The following MYOT variants were observed in gnomAD, a reference collection of about 807,000 sequenced individuals.
MYOT encodes the protein myotilin.
Under a neutral mutation model 58.0 loss-of-function variants are expected in MYOT, and 36 were observed. The observed-to-expected ratio is 0.62, with a 90% CI of 0.48 to 0.82. The LOEUF (loss-of-function observed/expected upper bound fraction) is 0.82. MYOT is among the 40% of genes least tolerant of loss of function. MYOT has a pLI of 0.00. For synonymous variants in MYOT, 218 were observed against 204.6 expected (o/e 1.07, Z -0.56); for missense variants, 505 against 592.1 (o/e 0.85, Z 1.53).
intron 5 of MYOT, 131 bp downstream of exon 5, chr5:137,880,996 G>T: frequency 1.4e-6 from 1 of 703,058 alleles, no homozygotes; most frequent in Admixed American, 2.9e-5. Flanking sequence ...ATTTTCTAAT[G>T]TCTGAGAAGA....
chr5:137,870,076 G>A (rs1371996926), intron 1 of MYOT, among the ~76,000 whole-genome samples: 4 of 147,302 alleles, frequency 2.7e-5, no homozygotes, highest in African/African-American at 1.0e-4. Context: ...ATTGCTTGCA[G>A]CTAAGAGTTT....
chr5:137,883,138 TAA>T (rs775333279), intron 6 of MYOT: 56 of 477,782 alleles, frequency 1.2e-4, no homozygotes, highest in Admixed American at 1.7e-4. Context: ...TAAGAGTTCA[TAA>T]AGAGACTGAG....
At chr5:137,877,273 C>G (rs1755258188) in intron 3 of MYOT, among the ~76,000 whole-genome samples, 1 of 144,820 alleles carries the variant, frequency 6.9e-6, no homozygotes, top group South Asian at 2.1e-4. Context: ...GAGGCTGAGG[C>G]AGGAGAATGG....
chr5:137,886,615 G>A (rs993312653), intron 8 of MYOT: 11 of 534,100 alleles, frequency 2.1e-5, no homozygotes, highest in South Asian at 7.0e-5. Flanking sequence ...CTATACATAC[G>A]CATAAATACA....
chr5:137,876,148 C>A, intron 3 of MYOT, 145 bp downstream of exon 3: 1 of 807,490 alleles, frequency 1.2e-6, no homozygotes, highest in Non-Finnish European at 2.0e-6. Context: ...GGCCCTATTC[C>A]ATTTCTCTCT....
At chr5:137,874,281 A>G (rs933141535) in intron 2 of MYOT, among the ~76,000 whole-genome samples, 1 of 152,204 alleles carries the variant, frequency 6.6e-6, no homozygotes, top group African/African-American at 2.4e-5. Flanking sequence ...AGCCTGGCCA[A>G]CATGGCAAAA....
chr5:137,869,622 T>C (rs1754976620), intron 1 of MYOT, among the ~76,000 whole-genome samples: 1 of 151,200 alleles, frequency 6.6e-6, no homozygotes, highest in Admixed American at 6.6e-5. Context: ...GTAAAAGAGC[T>C]AAAGCAATTT....
At chr5:137,884,474 T>C (rs1290193207) in intron 7 of MYOT, among the ~76,000 whole-genome samples, 1 of 152,200 alleles carries the variant, frequency 6.6e-6, no homozygotes, top group East Asian at 1.9e-4. Flanking sequence ...AGAAAACAGG[T>C]ATGGCTACAT....
Position 137,870,432 on chromosome 5 carries a change from C to A in MYOT, c.-211-9C>A. 1.7e-6 allele frequency: 1 copy of A among 600,360 alleles called. No homozygotes were observed. Among genetic ancestry groups the A allele is most frequent in the Non-Finnish European group, 3.0e-6 (1 of 337,470 alleles). The allele number at this position is 600,360 out of a possible 1,614,324, so 37.2% of individuals were successfully genotyped here. A position where few individuals can be genotyped will look rare whatever the true frequency, so the allele number is the denominator to read the frequency against. On this transcript the variant is annotated splice_polypyrimidine_tract_variant and intron_variant, in intron 1 of 9. Transcript: ENST00000239926. The stretch of plus-strand genomic sequence containing the variant: ...CAAATATTGTAACAATTATTTTCTC[C>A]TTTTGAAGGAACAATATTCTTCAAG...
intron 6 of MYOT, chr5:137,883,131 G>C: frequency 6.7e-6 from 3 of 447,106 alleles, no homozygotes; most frequent in Non-Finnish European, 1.2e-5. Context: ...TAGAAATTAA[G>C]AGTTCATAAA....
chr5:137,875,357 T>C (rs1755176514), intron 2 of MYOT, among the ~76,000 whole-genome samples: 1 of 151,608 alleles, frequency 6.6e-6, no homozygotes, highest in Non-Finnish European at 1.5e-5. Flanking sequence ...GGGAAAGAGG[T>C]GGAAAAGGGT....
At position 137,883,607 on chromosome 5, in the gene MYOT, G is replaced by A; in HGVS notation, c.1024+16G>A. 1 of 1,608,208 alleles carries A rather than the reference G, an allele frequency of 6.2e-7. No homozygotes were observed. The highest frequency in any genetic ancestry group is 1.7e-4 in the Middle Eastern group (1 of 6,050). ...GATGTCCTTGGTAAGCCTCCAAAGA[G>A]ACCCTTGAGAATTCCTTAAAATCCA... On this transcript the variant is annotated intron_variant, in intron 7 of 9. Transcript: ENST00000239926.
intron 5 of MYOT, among the ~76,000 whole-genome samples, chr5:137,881,303 T>C (rs746864783): frequency 2.0e-5 from 3 of 152,222 alleles, no homozygotes; most frequent in Non-Finnish European, 4.4e-5. Flanking sequence ...CACAGGTAAA[T>C]ACAGCCCTAA....
rs146426896 is a variant in MYOT, at chr5:137,887,301, G to T, written c.1413G>T (p.Leu471Phe). Residue 471 changes from leucine (L) to phenylalanine (F), a missense_variant, in exon 10 of 10, where the codon TTG (leucine) becomes TTT (phenylalanine). Coordinates refer to ENST00000239926, the MANE Select transcript of MYOT (RefSeq NM_006790.3). ...SKYLALNGKGLNVKQAFNPEG... is the reference protein window; with the variant it reads ...SKYLALNGKGFNVKQAFNPEG... The stretch of plus-strand genomic sequence containing the variant: ...ATTTAGCACTTAATGGGAAAGGTTT[G>T]AATGTAAAACAAGCTTTTAACCCAG... 29 of 1,614,052 alleles carry T rather than the reference G, an allele frequency of 1.8e-5. No individual in the cohort carries two copies. In the African/African-American group the frequency reaches 3.6e-4, roughly 20 times the overall value.
At chr5:137,882,452 C>CTT (rs538339394) in intron 6 of MYOT, among the ~76,000 whole-genome samples, 1 of 144,268 alleles carries the variant, frequency 6.9e-6, no homozygotes, top group South Asian at 2.2e-4. Context: ...GTACAATGCC[C>CTT]TTTTTTTTTT....
chr5:137,885,373 A>C (rs1755563007), intron 7 of MYOT, among the ~76,000 whole-genome samples: 1 of 152,106 alleles, frequency 6.6e-6, no homozygotes, highest in Admixed American at 6.6e-5. Context: ...AAATTTTACC[A>C]ATTTGGCATG....
In MYOT at chr5:137,877,597, T is replaced by C. The variant is rs1561660796; in HGVS notation, c.609T>C (p.Asp203=). The change falls in exon 4 of 10, where the codon GAT becomes GAC. Residue 203 remains aspartate (D), a synonymous_variant. Coordinates refer to ENST00000239926, the MANE Select transcript of MYOT (RefSeq NM_006790.3). The part of the protein sequence containing the change: ...QNAAAVFQAQ[D]DSGAQDSQQH... ...CAGCTGCTGTGTTTCAAGCTCAGGA[T>C]GACAGTGGTGCACAAGACTCGCAGG... 1.2e-6 allele frequency: 2 copies of C among 1,613,614 alleles called. No homozygotes were observed. The highest frequency in any genetic ancestry group is 1.7e-6 in the Non-Finnish European group (2 of 1,179,590).
chr5:137,886,986 T>A lies in MYOT; in HGVS notation c.1313T>A (p.Leu438Ter). The A allele has an allele frequency of 6.2e-7, 1 of 1,613,564 alleles. No individual in the cohort carries two copies. Among genetic ancestry groups the A allele is most frequent in the Non-Finnish European group, 8.5e-7 (1 of 1,179,458 alleles). ...GGAGTGACTACATGTAACACAAGAT[T>A]AGACGTTACGGGTATGTCATACTAT... Reference protein sequence around the residue: ...EAGVTTCNTRLDVTARPNQTL... With the variant: ...EAGVTTCNTR Residue 438 changes from leucine (L) to a stop codon, truncating the protein, a stop_gained, in exon 9 of 10, where the codon TTA (leucine) becomes TAA (stop). Transcript: ENST00000239926. LOFTEE classifies it high-confidence loss of function.
chr5:137,885,765 C>CT (rs1240123549), intron 7 of MYOT, among the ~76,000 whole-genome samples: 2 of 94,354 alleles, frequency 2.1e-5, no homozygotes, highest in Non-Finnish European at 3.7e-5. Context: ...GAGCGAGACT[C>CT]TGTCTCAAAA....
Sources: allele counts gnomAD v4.1 joint callset (sites outside exome capture counted in the v4.1 genomes callset), GRCh38; gene constraint gnomAD v4.1.1; transcripts MANE v1.5; gene names NCBI Gene and HGNC (gene_info 2026-07-23, HGNC 2026-07-21).